Variants in TNKS2 observed in about 807,000 individuals in gnomAD.
The protein encoded by TNKS2 is tankyrase 2, also known as poly [ADP-ribose] polymerase tankyrase-2.
Under a neutral mutation model 137.6 loss-of-function variants are expected in TNKS2, and 72 were observed. The ratio of observed to expected loss-of-function variants is 0.52; its 90% CI spans 0.43 to 0.64. The LOEUF (loss-of-function observed/expected upper bound fraction) is 0.64. TNKS2 is among the 30% of genes least tolerant of loss of function. TNKS2 has a pLI of 0.00. For missense variants in TNKS2, 1,049 were observed against 1,410.2 expected (o/e 0.74, Z 4.10); for synonymous variants, 516 against 512.1 (o/e 1.01, Z -0.10).
intron 1 of TNKS2, among the ~76,000 whole-genome samples, chr10:91,810,495 G>GTTGTTTTGTT (rs111875788): frequency 1.3e-5 from 2 of 151,740 alleles, no homozygotes; most frequent in African/African-American, 4.8e-5. Context: ...TTTCATTGTT[G>GTTGTTTTGTT]TTGTTTTGTT....
At position 91,848,547 on chromosome 10, in the gene TNKS2, T is replaced by G; in HGVS notation, c.2523T>G (p.Leu841=). ...CAAGCCTTTCTGCAGCCAGCAGTCT[T>G]GACAACTTATCTGGGAGTTTTTCAG... is the stretch of plus-strand genomic sequence containing the variant. ...SPSSLSAASS[L]DNLSGSFSEL... The change falls in exon 19 of 27, where the codon CTT becomes CTG. Residue 841 remains leucine, a synonymous_variant. Coordinates refer to ENST00000371627, the MANE Select transcript of TNKS2 (RefSeq NM_025235.4). 1 of 1,614,188 alleles carries G rather than the reference T, an allele frequency of 6.2e-7. No homozygotes were observed. The highest frequency in any genetic ancestry group is 8.5e-7 in the Non-Finnish European group (1 of 1,180,026).
chr10:91,808,747 T>C (rs1306191058), intron 1 of TNKS2, among the ~76,000 whole-genome samples: 1 of 152,124 alleles, frequency 6.6e-6, no homozygotes, highest in Non-Finnish European at 1.5e-5. Context: ...GGGTTGTGTA[T>C]CTAGGTGGTA....
At chr10:91,810,851 C>G (rs1288680179) in intron 1 of TNKS2, among the ~76,000 whole-genome samples, 1 of 148,682 alleles carries the variant, frequency 6.7e-6, no homozygotes, top group African/African-American at 2.5e-5. Flanking sequence ...CTTTGGCATT[C>G]TGTGTCCTGG....
intron 15 of TNKS2, 106 bp downstream of exon 15, chr10:91,841,554 A>G (rs1392950326): frequency 5.4e-6 from 4 of 741,776 alleles, no homozygotes; most frequent in Non-Finnish European, 6.0e-6. Flanking sequence ...ATGGGAAGCA[A>G]TGTTACCTAA....
chr10:91,804,037 G>C (rs1045762738), intron 1 of TNKS2, among the ~76,000 whole-genome samples: 7 of 149,990 alleles, frequency 4.7e-5, no homozygotes, highest in African/African-American at 1.8e-4. Flanking sequence ...TTCCAGTGTA[G>C]CAGCAAAATG....
At chr10:91,817,583 A>C (rs1420959344) in intron 3 of TNKS2, among the ~76,000 whole-genome samples, 1 of 152,124 alleles carries the variant, frequency 6.6e-6, no homozygotes, top group Admixed American at 6.5e-5. Flanking sequence ...TTCTAACCCA[A>C]ACTTCAAAAC....
rs1268200217 is a variant in TNKS2 at position 91,840,583 on chromosome 10, T to C, written c.1550T>C (p.Val517Ala). The C allele has an allele frequency of 3.2e-5, 51 of 1,614,000 alleles. No homozygotes were observed. Among genetic ancestry groups the C allele is most frequent in the Non-Finnish European group, 4.3e-5 (51 of 1,179,998 alleles). ...TVKKLCTVQS[V>A]NCRDIEGRQS... Reference sequence around the variant, plus strand: ...CAGAAACTGTGTACTGTTCAGAGTGTCAACTGCAGAGACATTGAAGGGCGT... The same window carrying C: ...CAGAAACTGTGTACTGTTCAGAGTGCCAACTGCAGAGACATTGAAGGGCGT... Residue 517 changes from valine (V) to alanine (A), a missense_variant, in exon 14 of 27, where the codon GTC (valine) becomes GCC (alanine). Val to Ala is a moderately conservative substitution (Grantham distance 64). Transcript: ENST00000371627.
intron 2 of TNKS2, among the ~76,000 whole-genome samples, chr10:91,815,516 G>A (rs1844661621): frequency 6.6e-6 from 1 of 151,988 alleles, no homozygotes; most frequent in Admixed American, 6.6e-5. Flanking sequence ...CAATATGGTA[G>A]CTAAGGGCTT....
intron 13 of TNKS2, among the ~76,000 whole-genome samples, chr10:91,837,899 A>C (rs1426196544): frequency 6.6e-6 from 1 of 152,150 alleles, no homozygotes; most frequent in East Asian, 1.9e-4. Context: ...CTTAAGTAGG[A>C]GGCTAATAGG....
chr10:91,865,228 A>T lies in TNKS2; in HGVS notation c.*2229A>T, dbSNP rs1169184624. 6.6e-6 allele frequency: 1 copy of T among 152,416 alleles called. No homozygotes were observed. The highest frequency in any genetic ancestry group is 3.2e-3 in the Middle Eastern group (1 of 316). The allele number at this position is 152,416 out of a possible 1,614,324, so 9.4% of individuals were successfully genotyped here. A position where few individuals can be genotyped will look rare whatever the true frequency, so the allele number is the denominator to read the frequency against. The stretch of plus-strand genomic sequence containing the variant: ...ATCTTCAGTGTCTTACTTGTACTGT[A>T]TCACATTCCATACCCTCATTTAATT... On this transcript the variant is annotated 3_prime_UTR_variant, in exon 27 of 27. Transcript: ENST00000371627.
intron 23 of TNKS2, 37 bp downstream of exon 23, chr10:91,855,725 T>C (rs1554841182): frequency 6.6e-7 from 1 of 1,508,486 alleles, no homozygotes; most frequent in South Asian, 1.2e-5. Flanking sequence ...TCTGAGACTG[T>C]CGTTTTCAAA....
intron 18 of TNKS2, among the ~76,000 whole-genome samples, chr10:91,848,126 G>A (rs1453097945): frequency 1.3e-5 from 2 of 151,998 alleles, no homozygotes; most frequent in Non-Finnish European, 2.9e-5. Flanking sequence ...GAGCATCCCC[G>A]ATCCCCAAAT....
chr10:91,819,098 C>T (rs1269420594), intron 3 of TNKS2, among the ~76,000 whole-genome samples, 172 bp from the exon 4 acceptor site: 2 of 151,752 alleles, frequency 1.3e-5, no homozygotes, highest in African/African-American at 4.8e-5. Flanking sequence ...CATGTTTGCT[C>T]TTCATGCAAA....
intron 15 of TNKS2, 69 bp downstream of exon 15, chr10:91,841,517 T>C: frequency 7.7e-7 from 1 of 1,304,078 alleles, no homozygotes; most frequent in Non-Finnish European, 1.0e-6. Context: ...TCTAAATAAT[T>C]CTAGTATAAA....
intron 23 of TNKS2, among the ~76,000 whole-genome samples, chr10:91,856,193 T>G (rs2133680254): frequency 6.6e-6 from 1 of 152,348 alleles, no homozygotes; most frequent in South Asian, 2.1e-4. Context: ...GACTGCTGTC[T>G]TACTGATTTC....
chr10:91,832,896 A>G (rs963593216), intron 11 of TNKS2, among the ~76,000 whole-genome samples: 30 of 152,156 alleles, frequency 2.0e-4, no homozygotes, highest in African/African-American at 7.2e-4. Context: ...TATTACTAAC[A>G]TTTTACTCTA....
Position 91,845,901 on chromosome 10 carries a change from TA to T in TNKS2, c.2324del (p.Asn775IlefsTer8). 1 of 1,585,734 alleles carries T rather than the reference TA, an allele frequency of 6.3e-7. No individual in the cohort carries two copies. Among genetic ancestry groups the T allele is most frequent in the East Asian group, 2.3e-5 (1 of 44,328 alleles). The part of the protein sequence containing the change: ...LLAHGADPTL[K>X]NQEGQTPLDL... ...TAGCCCATGGAGCTGACCCGACTCT[TA>T]AAAATCAGGAAGGACAAACACCTTT... On this transcript the variant is annotated frameshift_variant, in exon 18 of 27. Transcript: ENST00000371627. LOFTEE classifies it high-confidence loss of function.
intron 1 of TNKS2, among the ~76,000 whole-genome samples, chr10:91,809,273 G>T (rs1844422802): frequency 6.6e-6 from 1 of 152,196 alleles, no homozygotes; most frequent in Non-Finnish European, 1.5e-5. Flanking sequence ...CTGGGAATAG[G>T]GGTGGGAGGA....
At chr10:91,843,256 G>T (rs756472772) in intron 16 of TNKS2, among the ~76,000 whole-genome samples, 4 of 152,168 alleles carry the variant, frequency 2.6e-5, no homozygotes, top group Non-Finnish European at 5.9e-5. Flanking sequence ...AGGAGTCCAA[G>T]TTCAAGGTGT....
Sources: allele counts gnomAD v4.1 joint callset (sites outside exome capture counted in the v4.1 genomes callset), GRCh38; gene constraint gnomAD v4.1.1; transcripts MANE v1.5; gene names NCBI Gene and HGNC (gene_info 2026-07-23, HGNC 2026-07-21).